PIK3R1: variants seen among roughly 807,000 people sequenced by gnomAD.
The protein encoded by PIK3R1 is phosphatidylinositol 3-kinase regulatory subunit alpha.
PIK3R1 carries 29 observed loss-of-function variants against 98.0 expected under a neutral mutation model. The observed-to-expected ratio is 0.30, with a 90% CI of 0.22 to 0.40. The LOEUF is 0.40. Among genes scored for constraint, PIK3R1 ranks in the 10% least tolerant of loss-of-function variants. The pLI is 1.00. For synonymous variants in PIK3R1, 282 were observed against 311.8 expected (o/e 0.90, Z 1.01); for missense variants, 596 against 872.7 (o/e 0.68, Z 3.99).
At chr5:68,218,705 A>T (rs1561253781) in intron 1 of PIK3R1, among the ~76,000 whole-genome samples, 5 of 152,176 alleles carry the variant, frequency 3.3e-5, no homozygotes, top group Admixed American at 2.6e-4. Flanking sequence ...AATGCAAAAG[A>T]TATTGTATGT....
chr5:68,229,031 G>C (rs1744382059), intron 2 of PIK3R1, among the ~76,000 whole-genome samples: 1 of 151,686 alleles, frequency 6.6e-6, no homozygotes, highest in African/African-American at 2.4e-5. Flanking sequence ...ATTTTTAGCA[G>C]AATTCAAGAA....
intron 8 of PIK3R1, chr5:68,292,676 A>G: frequency 7.7e-7 from 1 of 1,298,024 alleles, no homozygotes; most frequent in Non-Finnish European, 9.8e-7. Flanking sequence ...TCTTGCCTTA[A>G]ACACAATAAG....
chr5:68,235,192 CAGG>C (rs1744616684), intron 2 of PIK3R1, among the ~76,000 whole-genome samples: 1 of 151,956 alleles, frequency 6.6e-6, no homozygotes, highest in South Asian at 2.1e-4. Context: ...CACTTGAGGT[CAGG>C]AGATCAAAAC....
intron 7 of PIK3R1, chr5:68,291,001 T>G: frequency 1.8e-6 from 1 of 547,514 alleles, no homozygotes; most frequent in Non-Finnish European, 3.2e-6. Flanking sequence ...TTTGACTGTC[T>G]GTGGAAGCAA....
intron 1 of PIK3R1, among the ~76,000 whole-genome samples, chr5:68,223,370 CT>C (rs78110753): frequency 1.7e-3 from 247 of 143,468 alleles, no homozygotes; most frequent in African/African-American, 2.1e-3. Context: ...GACTGCTCTC[CT>C]TTTTTTTTTT....
At position 68,226,570 on chromosome 5, in the gene PIK3R1, A is replaced by G; in HGVS notation, c.-106A>G. 2 of 909,434 alleles carry G rather than the reference A, an allele frequency of 2.2e-6. No homozygotes were observed. The highest frequency in any genetic ancestry group is 3.2e-5 in the South Asian group (2 of 62,494). The allele number at this position is 909,434 out of a possible 1,614,324, so 56.3% of individuals were successfully genotyped here. ...GTCCTTTGTCCTCTGCTGGACACAT[A>G]ATAGGAATTCTAACACATTCTCTGA... On this transcript the variant is annotated 5_prime_UTR_variant, in exon 2 of 16. In the 5' UTR this introduces an upstream ATG that the reference lacks. Transcript: ENST00000521381.
chr5:68,249,507 C>T (rs966761081), intron 2 of PIK3R1, among the ~76,000 whole-genome samples: 18 of 152,194 alleles, frequency 1.2e-4, no homozygotes, highest in Non-Finnish European at 4.4e-5. Flanking sequence ...TCCAGTTAAA[C>T]ACACATTGAA....
chr5:68,273,562 C>A (rs8192679), intron 3 of PIK3R1, 80 bp downstream of exon 3: 1 of 1,219,668 alleles, frequency 8.2e-7, no homozygotes, highest in South Asian at 1.2e-5. Flanking sequence ...CTTGTGCATT[C>A]ATTAAGTAAA....
intron 2 of PIK3R1, among the ~76,000 whole-genome samples, chr5:68,246,621 CTT>C (rs1411641642): frequency 6.6e-6 from 1 of 152,040 alleles, no homozygotes; most frequent in African/African-American, 2.4e-5. Flanking sequence ...CCATGTGTGT[CTT>C]TTTTATTTTT....
In PIK3R1 at chr5:68,274,145, C is replaced by T. The variant is rs1374357221; in HGVS notation, c.502+132C>T. On this transcript the variant is annotated intron_variant, in intron 4 of 15. Transcript: ENST00000521381. ...ATTTAAAGGGAACTCAAATCATGTA[C>T]AGTTCTCCCTGCCCTGTTATGGTAA... is the stretch of plus-strand genomic sequence containing the variant. 7 of 744,006 alleles carry T rather than the reference C, an allele frequency of 9.4e-6. No individual in the cohort carries two copies. In the Admixed American group the frequency reaches 1.0e-4, roughly 11 times the overall value. The allele number at this position is 744,006 out of a possible 1,614,324, so 46.1% of individuals were successfully genotyped here.
intron 2 of PIK3R1, among the ~76,000 whole-genome samples, chr5:68,256,318 C>T (rs982945439): frequency 3.9e-5 from 6 of 152,236 alleles, no homozygotes; most frequent in African/African-American, 1.4e-4. Flanking sequence ...CAAGCTCCAC[C>T]TCTCAGGTTC....
intron 7 of PIK3R1, among the ~76,000 whole-genome samples, chr5:68,284,482 A>G (rs1384554035): frequency 6.6e-6 from 1 of 152,330 alleles, no homozygotes; most frequent in African/African-American, 2.4e-5. Flanking sequence ...CCACTCCTCC[A>G]TCTTGCCTAG....
intron 2 of PIK3R1, among the ~76,000 whole-genome samples, chr5:68,251,407 C>T (rs1424099569): frequency 6.6e-6 from 1 of 151,674 alleles, no homozygotes; most frequent in African/African-American, 2.4e-5. Flanking sequence ...TGTTAGGTTC[C>T]TTTTTTAAAA....
Position 68,298,044 on chromosome 5 carries a change from T to C in PIK3R1, c.*443T>C, listed in dbSNP as rs544385608. 4.3e-6 allele frequency: 1 copy of C among 233,906 alleles called. No homozygotes were observed. The highest frequency in any genetic ancestry group is 8.4e-6 in the Non-Finnish European group (1 of 118,544). 14.5% of individuals were successfully genotyped at this position (233,906 alleles called of 1,614,324 possible). On this transcript the variant is annotated 3_prime_UTR_variant, in exon 16 of 16. Transcript: ENST00000521381. ...CTGAGAAGGTTTGGTCCAGCCTGGTTTAGCCTGGATGTTGCTGTGCACGGT... is the reference window on the plus strand; with the variant it reads ...CTGAGAAGGTTTGGTCCAGCCTGGTCTAGCCTGGATGTTGCTGTGCACGGT...
intron 7 of PIK3R1, chr5:68,290,509 T>G: frequency 2.2e-6 from 1 of 451,452 alleles, no homozygotes. Flanking sequence ...AAATGTAGCT[T>G]CTTAGTGAGG....
At chr5:68,236,163 G>C (rs1049640476) in intron 2 of PIK3R1, among the ~76,000 whole-genome samples, 1 of 151,514 alleles carries the variant, frequency 6.6e-6, no homozygotes, top group Non-Finnish European at 1.5e-5. Flanking sequence ...GAGCCACCAC[G>C]CTGGCCCTGC....
chr5:68,260,469 G>A (rs766943110), intron 2 of PIK3R1, among the ~76,000 whole-genome samples: 39 of 152,150 alleles, frequency 2.6e-4, no homozygotes, highest in Non-Finnish European at 4.9e-4. Flanking sequence ...GCATTTATTG[G>A]CAATTTAATG....
chr5:68,248,740 A>G (rs1272530286), intron 2 of PIK3R1, among the ~76,000 whole-genome samples: 1 of 152,222 alleles, frequency 6.6e-6, no homozygotes, highest in East Asian at 1.9e-4. Flanking sequence ...GGAAATTGGA[A>G]GAACTATATG....
intron 4 of PIK3R1, among the ~76,000 whole-genome samples, chr5:68,275,617 A>G (rs1363026682): frequency 2.0e-5 from 3 of 152,118 alleles, no homozygotes. Context: ...TTCCTTCCCC[A>G]GTGAGATCAA....
Sources: allele counts gnomAD v4.1 joint callset (sites outside exome capture counted in the v4.1 genomes callset), GRCh38; gene constraint gnomAD v4.1.1; transcripts MANE v1.5; gene names NCBI Gene and HGNC (gene_info 2026-07-23, HGNC 2026-07-21).